The following TDRD12 variants were observed in gnomAD, a reference collection of about 807,000 sequenced individuals.
TDRD12 encodes tudor domain containing 12, also known as putative ATP-dependent RNA helicase TDRD12.
A neutral mutation model predicts 133.5 loss-of-function variants in TDRD12; 158 were observed. The ratio of observed to expected loss-of-function variants is 1.18; its 90% CI spans 1.04 to 1.35. TDRD12 has a LOEUF of 1.35. TDRD12 is among the 40% of genes most tolerant of loss of function. TDRD12 has a pLI of 0.00. For synonymous variants in TDRD12, 460 were observed against 477.9 expected (o/e 0.96, Z 0.49); for missense variants, 1,443 against 1,321.3 (o/e 1.09, Z -1.43).
intron 1 of TDRD12, among the ~76,000 whole-genome samples, chr19:32,726,658 GGAGGATTGCTTGAGGT>G (rs200050098): frequency 0.18 from 26,813 of 151,554 alleles, 2,506 homozygotes; most frequent in African/African-American, 0.21. Flanking sequence ...GGCTGAGGTG[GGAGGATTGCTTGAGGT>G]GAGGATTGCT....
chr19:32,800,357 A>T (rs918148062), exon 17 of TDRD12: 3 of 1,510,022 alleles, frequency 2.0e-6, no homozygotes, highest in African/African-American at 2.8e-5. Flanking sequence ...AATGTCCAAC[A>T]GGTAACTTTG....
At chr19:32,774,322 C>G (rs1970521258) in intron 10 of TDRD12, among the ~76,000 whole-genome samples, 1 of 152,176 alleles carries the variant, frequency 6.6e-6, no homozygotes, top group Non-Finnish European at 1.5e-5. Context: ...TATCTTCTCT[C>G]TTTACCTGTG....
rs115594088 is a variant in TDRD12, at chr19:32,785,124, T to C, written c.1122-5407T>C. The stretch of plus-strand genomic sequence containing the variant: ...CCTGCTTTCCCTTGTGGGCATTTAG[T>C]GCTATAATGTGTCCCAGAGATTCTG... On this transcript the variant is annotated intron_variant, in intron 11 of 27. Coordinates refer to ENST00000444215, the Ensembl canonical transcript of TDRD12. Among the ~76,000 whole-genome samples, 773 of 151,566 alleles carry C rather than the reference T, an allele frequency of 5.1e-3. 9 individuals are homozygous for C. Among genetic ancestry groups the C allele is most frequent in the African/African-American group, 0.018 (729 of 41,452 alleles).
At chr19:32,777,021 T>C (rs1970602750) in intron 10 of TDRD12, 128 bp from the exon 11 acceptor site, 1 of 615,926 alleles carries the variant, frequency 1.6e-6, no homozygotes, top group South Asian at 1.9e-5. Context: ...CCCGAGTTGC[T>C]GGGACTATAG....
chr19:32,778,492 T>C (rs933286521), intron 11 of TDRD12, among the ~76,000 whole-genome samples: 37 of 152,152 alleles, frequency 2.4e-4, no homozygotes, highest in African/African-American at 8.4e-4. Flanking sequence ...CTTTTTTTCA[T>C]TATTTATTTA....
chr19:32,742,279 C>A (rs1343974582), intron 3 of TDRD12, among the ~76,000 whole-genome samples: 1 of 152,002 alleles, frequency 6.6e-6, no homozygotes, highest in Non-Finnish European at 1.5e-5. Flanking sequence ...GCCTCAGCCT[C>A]CTGAGTAGCT....
intron 2 of TDRD12, among the ~76,000 whole-genome samples, chr19:32,734,403 C>G (rs1969161426): frequency 6.6e-6 from 1 of 150,956 alleles, no homozygotes; most frequent in South Asian, 2.1e-4. Context: ...GGGGGTCTCA[C>G]TCTGTCACCC....
intron 1 of TDRD12, among the ~76,000 whole-genome samples, chr19:32,727,518 G>A (rs1249996530): frequency 2.6e-5 from 4 of 152,080 alleles, no homozygotes; most frequent in Non-Finnish European, 5.9e-5. Context: ...TGGCTTTGGT[G>A]TCATATCCAA....
chr19:32,731,532 A>G (rs1969053453), intron 1 of TDRD12, among the ~76,000 whole-genome samples, 193 bp from the exon 2 acceptor site: 1 of 152,346 alleles, frequency 6.6e-6, no homozygotes, highest in South Asian at 2.1e-4. Flanking sequence ...GTCACAACAC[A>G]TAATTGAGAA....
chr19:32,771,361 T>C (rs1313378609), intron 8 of TDRD12, among the ~76,000 whole-genome samples: 1 of 152,170 alleles, frequency 6.6e-6, no homozygotes, highest in Non-Finnish European at 1.5e-5. Flanking sequence ...GATTTCACCA[T>C]GTTCAGCAGG....
chr19:32,756,825 C>T lies in TDRD12; in HGVS notation c.773-213C>T, dbSNP rs184666978. 6.1e-4 allele frequency among the ~76,000 whole-genome samples: 93 copies of T among 152,302 alleles called. No individual in the cohort carries two copies. In the Middle Eastern group the frequency reaches 0.01, roughly 17 times the overall value. ...GCTATTTATCACAAATAACCCTTAG[C>T]ATAAAAATATAAGAGCTAGTCACGG... is the stretch of plus-strand genomic sequence containing the variant. On this transcript the variant is annotated intron_variant, in intron 7 of 27. Coordinates refer to ENST00000444215, the Ensembl canonical transcript of TDRD12.
exon 23 of TDRD12, chr19:32,810,116 T>A: frequency 6.6e-7 from 1 of 1,523,256 alleles, no homozygotes; most frequent in Non-Finnish European, 8.8e-7. Flanking sequence ...ATATTTTGAA[T>A]GCAACAAATT....
chr19:32,734,495 C>CA (rs1969165210), intron 2 of TDRD12, among the ~76,000 whole-genome samples: 1 of 151,968 alleles, frequency 6.6e-6, no homozygotes, highest in East Asian at 1.9e-4. Context: ...CTCAGCCTCC[C>CA]AAGTGGCTAG....
exon 28 of TDRD12, chr19:32,821,175 A>G: frequency 1.3e-6 from 2 of 1,486,360 alleles, no homozygotes; most frequent in Non-Finnish European, 1.8e-6. Context: ...GTTAAGTTCA[A>G]ATCGTTAATG....
chr19:32,721,722 T>TGTTATGTTATGTTATG, intron 1 of TDRD12, among the ~76,000 whole-genome samples: 1 of 140,874 alleles, frequency 7.1e-6, no homozygotes, highest in African/African-American at 2.7e-5. Context: ...TTTTATTTTA[T>TGTTATGTTATGTTATG]TTTGAGAAGG....
intron 1 of TDRD12, among the ~76,000 whole-genome samples, chr19:32,729,806 T>TTTTTTTG (rs1968989228): frequency 7.9e-6 from 1 of 126,054 alleles, no homozygotes; most frequent in Admixed American, 7.9e-5. Context: ...TTTTTTTTTT[T>TTTTTTTG]GTGAGATGGA....
At chr19:32,722,942 A>G (rs1016793065) in intron 1 of TDRD12, among the ~76,000 whole-genome samples, 2 of 151,972 alleles carry the variant, frequency 1.3e-5, no homozygotes, top group African/African-American at 4.8e-5. Flanking sequence ...GGCCTCCCAA[A>G]CTGCTGGGAT....
chr19:32,818,782 A>G (rs1487866073), intron 27 of TDRD12, among the ~76,000 whole-genome samples: 2 of 152,086 alleles, frequency 1.3e-5, no homozygotes, highest in Non-Finnish European at 2.9e-5. Flanking sequence ...AGAGGTGAGT[A>G]GGCGAGGGAT....
chr19:32,800,783 C>T lies in TDRD12; in HGVS notation c.2079+11C>T, dbSNP rs1364200749. 1 of 1,509,362 alleles carries T rather than the reference C, an allele frequency of 6.6e-7. No individual in the cohort carries two copies. Among genetic ancestry groups the T allele is most frequent in the South Asian group, 1.3e-5 (1 of 78,394 alleles). The allele number at this position is 1,509,362 out of a possible 1,614,324, so 93.5% of individuals were successfully genotyped here. A position where few individuals can be genotyped will look rare whatever the true frequency, so the allele number is the denominator to read the frequency against. On this transcript the variant is annotated intron_variant, in intron 18 of 27. Transcript: ENST00000444215. ...GAAATAGTGTGTAAGGTGAGTCCAT[C>T]TCCATATAAAAAATGTTCTGTTTGT...
Sources: allele counts gnomAD v4.1 joint callset (sites outside exome capture counted in the v4.1 genomes callset), GRCh38; gene constraint gnomAD v4.1.1; transcripts MANE v1.5; gene names NCBI Gene and HGNC (gene_info 2026-07-23, HGNC 2026-07-21).